NLGN1: variants seen among roughly 807,000 people sequenced by gnomAD.
NLGN1 encodes the protein neuroligin 1, also known as neuroligin-1.
Under a neutral mutation model 65.5 loss-of-function variants are expected in NLGN1, and 12 were observed. The ratio of observed to expected loss-of-function variants is 0.18; its 90% CI spans 0.12 to 0.30. The LOEUF (loss-of-function observed/expected upper bound fraction) is 0.30. Among genes scored for constraint, NLGN1 ranks in the 10% least tolerant of loss-of-function variants. The pLI is 1.00. For missense variants in NLGN1, 750 were observed against 1,007.1 expected (o/e 0.74, Z 3.46); for synonymous variants, 350 against 359.5 (o/e 0.97, Z 0.30).
rs1289026159 is a variant in NLGN1, at chr3:174,260,917, C to T, written c.647-14398C>T. On this transcript the variant is annotated intron_variant, in intron 4 of 6. Transcript: ENST00000457714. ...TTTCTACATATGGCTAGCCAGTTTT[C>T]CCAGCACCATTTATTAAACAGGGAA... Among the ~76,000 whole-genome samples the T allele has an allele frequency of 1.8e-4, 27 of 148,434 alleles. 1 individual carries two copies. The East Asian group carries it at 5.7e-3, about 31-fold the overall frequency.
chr3:173,448,224 G>A (rs1048018151), intron 2 of NLGN1, among the ~76,000 whole-genome samples: 3 of 152,100 alleles, frequency 2.0e-5, no homozygotes, highest in African/African-American at 4.8e-5. Context: ...TTATTATTTT[G>A]AGATACCTCC....
intron 4 of NLGN1, among the ~76,000 whole-genome samples, chr3:174,108,300 G>A (rs1407714878): frequency 6.6e-6 from 1 of 152,136 alleles, no homozygotes; most frequent in East Asian, 1.9e-4. Context: ...TTTTGTATAA[G>A]ATGTGAAACT....
At chr3:173,977,840 G>C (rs1717854712) in intron 4 of NLGN1, among the ~76,000 whole-genome samples, 2 of 152,042 alleles carry the variant, frequency 1.3e-5, no homozygotes, top group South Asian at 4.1e-4. Context: ...ACTCAGTTGT[G>C]ACTAGATGAT....
chr3:174,061,629 A>C (rs2152519205), intron 4 of NLGN1, among the ~76,000 whole-genome samples: 1 of 152,326 alleles, frequency 6.6e-6, no homozygotes, highest in East Asian at 1.9e-4. Flanking sequence ...GTACAAGAAT[A>C]GCTAATTAAC....
intron 4 of NLGN1, among the ~76,000 whole-genome samples, chr3:173,837,041 A>C (rs1723755001): frequency 6.6e-6 from 1 of 152,180 alleles, no homozygotes; most frequent in Non-Finnish European, 1.5e-5. Context: ...TTTACATAAT[A>C]GATGTTAATA....
intron 2 of NLGN1, among the ~76,000 whole-genome samples, chr3:173,539,677 A>ACATATATGT (rs1240848311): frequency 1.3e-5 from 1 of 79,444 alleles, no homozygotes; most frequent in African/African-American, 8.7e-5. Context: ...GCACATATAT[A>ACATATATGT]ACATACATAT....
At chr3:173,621,499 T>C (rs930151305) in intron 3 of NLGN1, among the ~76,000 whole-genome samples, 2 of 152,050 alleles carry the variant, frequency 1.3e-5, no homozygotes, top group Admixed American at 1.3e-4. Context: ...TATCAACAAG[T>C]ATGCATTGAT....
intron 2 of NLGN1, among the ~76,000 whole-genome samples, chr3:173,578,689 A>C (rs1049928302): frequency 1.3e-5 from 2 of 152,162 alleles, no homozygotes; most frequent in Admixed American, 1.3e-4. Context: ...CATCTAAGAT[A>C]ATTTTATACA....
At chr3:173,618,419 A>G (rs971734109) in intron 3 of NLGN1, among the ~76,000 whole-genome samples, 1 of 152,082 alleles carries the variant, frequency 6.6e-6, no homozygotes, top group Non-Finnish European at 1.5e-5. Flanking sequence ...CTGATCTCTA[A>G]CTGCTGACTG....
Position 173,943,563 on chromosome 3 carries a change from A to T in NLGN1, c.646+135731A>T, listed in dbSNP as rs557956867. On this transcript the variant is annotated intron_variant, in intron 4 of 6. Coordinates refer to ENST00000457714, the Ensembl canonical transcript of NLGN1. The stretch of plus-strand genomic sequence containing the variant: ...GAGTCTGGTCCCCTTGAATTGGGTA[A>T]CATATTGTGTCATCTACTTTGTTAG... 2.0e-5 allele frequency among the ~76,000 whole-genome samples: 3 copies of T among 152,324 alleles called. No homozygotes were observed. The South Asian group carries it at 6.2e-4, about 32-fold the overall frequency.
intron 3 of NLGN1, among the ~76,000 whole-genome samples, chr3:173,789,210 A>G (rs1474472200): frequency 2.0e-5 from 3 of 151,630 alleles, no homozygotes; most frequent in Non-Finnish European, 2.9e-5. Context: ...AAAAAAAAGA[A>G]AGAGAGAGAG....
intron 4 of NLGN1, among the ~76,000 whole-genome samples, chr3:174,141,095 T>A (rs193091625): frequency 5.3e-5 from 8 of 152,258 alleles, no homozygotes; most frequent in Admixed American, 5.2e-4. Flanking sequence ...ACACTTCACT[T>A]AACATTTTTC....
chr3:173,854,533 T>C (rs1727582379), intron 4 of NLGN1, among the ~76,000 whole-genome samples: 1 of 152,098 alleles, frequency 6.6e-6, no homozygotes, highest in Admixed American at 6.6e-5. Context: ...TCTTCTTATC[T>C]ACAAGATAAT....
chr3:174,144,952 G>A (rs1300346763), intron 4 of NLGN1, among the ~76,000 whole-genome samples: 1 of 152,078 alleles, frequency 6.6e-6, no homozygotes, highest in African/African-American at 2.4e-5. Flanking sequence ...ATTGCTTTTG[G>A]TGTTTTATTC....
At chr3:173,875,169 G>A (rs1013688554) in intron 4 of NLGN1, among the ~76,000 whole-genome samples, 2 of 152,196 alleles carry the variant, frequency 1.3e-5, no homozygotes, top group East Asian at 1.9e-4. Flanking sequence ...TAGGAACAGC[G>A]TAGAAGGTGT....
At chr3:174,249,075 C>T (rs1006073195) in intron 4 of NLGN1, among the ~76,000 whole-genome samples, 4 of 152,170 alleles carry the variant, frequency 2.6e-5, no homozygotes, top group African/African-American at 9.7e-5. Context: ...ATATATTTGT[C>T]TCTTAATGGT....
intron 1 of NLGN1, among the ~76,000 whole-genome samples, chr3:173,418,970 GA>G (rs1334910347): frequency 5.9e-5 from 5 of 84,492 alleles, no homozygotes; most frequent in South Asian, 4.3e-4. Context: ...AAAATATGAT[GA>G]TTTTTTTTTT....
chr3:173,904,899 T>C (rs1579096187), intron 4 of NLGN1, among the ~76,000 whole-genome samples: 1 of 152,176 alleles, frequency 6.6e-6, no homozygotes, highest in African/African-American at 2.4e-5. Context: ...ACTGATGATA[T>C]TGCAGTGTTC....
intron 4 of NLGN1, among the ~76,000 whole-genome samples, chr3:173,822,452 A>G (rs896940461): frequency 6.6e-6 from 1 of 152,200 alleles, no homozygotes; most frequent in Admixed American, 6.5e-5. Flanking sequence ...TATAGGTTGA[A>G]CATTTCTAAT....
Sources: allele counts gnomAD v4.1 joint callset (sites outside exome capture counted in the v4.1 genomes callset), GRCh38; gene constraint gnomAD v4.1.1; transcripts MANE v1.5; gene names NCBI Gene and HGNC (gene_info 2026-07-23, HGNC 2026-07-21).